JPH2: variants seen among roughly 807,000 people sequenced by gnomAD.
The protein encoded by JPH2 is junctophilin-2.
JPH2 carries 38 observed loss-of-function variants against 55.9 expected under a neutral mutation model. The observed-to-expected ratio is 0.68, with a 90% confidence interval of 0.52 to 0.89. The LOEUF (loss-of-function observed/expected upper bound fraction) is 0.89. JPH2 is among the 40% of genes least tolerant of loss of function. The pLI, the probability that JPH2 is intolerant of heterozygous loss-of-function variation, is 0.00. For missense variants in JPH2, 964 were observed against 1,037.6 expected, an observed-to-expected ratio of 0.93 and a Z score of 0.97; for synonymous variants, 480 against 472.4, an observed-to-expected ratio of 1.02 and a Z score of -0.21.
At chr20:44,152,403 C>T (rs953901736) in intron 2 of JPH2, among the ~76,000 whole-genome samples, 6 of 152,100 alleles carry the variant, frequency 3.9e-5, no homozygotes, top group East Asian at 1.9e-4. Flanking sequence ...CCACTGGGCA[C>T]GGTAGCTCAC....
intron 2 of JPH2, among the ~76,000 whole-genome samples, chr20:44,149,477 A>G (rs2072515951): frequency 6.6e-6 from 1 of 152,232 alleles, no homozygotes; most frequent in African/African-American, 2.4e-5. Context: ...GCATGTGTGT[A>G]GCCACACGTT....
rs1219041952 is a variant in JPH2, at chr20:44,159,315, G to C, written c.1169+303C>G. Among the ~76,000 whole-genome samples the C allele has an allele frequency of 6.6e-6, 1 of 152,060 alleles. No homozygotes were observed. The highest frequency in any genetic ancestry group is 1.9e-4 in the East Asian group (1 of 5,170). The stretch of plus-strand genomic sequence containing the variant: ...ACTGGATGACTGGGTGGGTAAACAG[G>C]AAGTGGAATGGGTAGGGGAATGGAG... On this transcript the variant is annotated intron_variant, in intron 2 of 5. Coordinates refer to ENST00000372980, the MANE Select transcript of JPH2 (RefSeq NM_020433.5). The surrounding 1 kb of genome is among the most constrained non-coding windows in gnomAD (Gnocchi z 5.7).
chr20:44,120,314 A>G (rs2072226426), intron 2 of JPH2, among the ~76,000 whole-genome samples: 1 of 152,178 alleles, frequency 6.6e-6, no homozygotes, highest in Non-Finnish European at 1.5e-5. Flanking sequence ...TGCACGTGAC[A>G]GGAGCAAATT....
intron 2 of JPH2, among the ~76,000 whole-genome samples, chr20:44,135,442 A>C (rs2072403869): frequency 6.6e-6 from 1 of 152,064 alleles, no homozygotes; most frequent in Non-Finnish European, 1.5e-5. Flanking sequence ...TCTTGTCTCC[A>C]TCCCCATCTT....
chr20:44,183,731 G>T (rs181141657), intron 1 of JPH2, among the ~76,000 whole-genome samples: 11 of 152,328 alleles, frequency 7.2e-5, no homozygotes, highest in African/African-American at 2.6e-4. Flanking sequence ...AAATTAGCCA[G>T]TTTTGAGTTA....
At position 44,159,914 on chromosome 20, in the gene JPH2, G is replaced by A; in HGVS notation, c.873C>T (p.Tyr291=). 1 of 1,612,130 alleles carries A rather than the reference G, an allele frequency of 6.2e-7. No homozygotes were observed. The highest frequency in any genetic ancestry group is 8.5e-7 in the Non-Finnish European group (1 of 1,179,588). ...GTTTGTCGTTCTTCCACTCGCCCAT[G>A]TAGGTCTCGGTGGTGGTGGCGTCGA... The part of the protein sequence containing the change: ...ADIDATTTET[Y]MGEWKNDKRS... The change falls in exon 2 of 6, where the codon TAC becomes TAT. Residue 291 remains tyrosine (Y), a synonymous_variant. Transcript: ENST00000372980. This position sits in a 1 kb window ranked among gnomAD's most constrained non-coding sequence, Gnocchi z 5.7.
chr20:44,165,129 G>A (rs1234655679), intron 1 of JPH2, among the ~76,000 whole-genome samples: 3 of 152,068 alleles, frequency 2.0e-5, no homozygotes, highest in Non-Finnish European at 4.4e-5. Flanking sequence ...GAGCTACTGC[G>A]CCCAGCCAAA....
chr20:44,141,209 G>A (rs750679900), intron 2 of JPH2, among the ~76,000 whole-genome samples: 14 of 152,214 alleles, frequency 9.2e-5, no homozygotes, highest in Admixed American at 2.6e-4. Context: ...GTTCAGGGAA[G>A]CAACGCATCC....
intron 2 of JPH2, among the ~76,000 whole-genome samples, chr20:44,137,355 C>T (rs558620607): frequency 6.6e-6 from 1 of 152,098 alleles, no homozygotes; most frequent in Non-Finnish European, 1.5e-5. Context: ...TTCTGTGAGC[C>T]GGAGGAATGT....
At chr20:44,143,949 TGCTTGACTCCCCAAAGAACCAGAG>T (rs1335522210) in intron 2 of JPH2, among the ~76,000 whole-genome samples, 2 of 150,926 alleles carry the variant, frequency 1.3e-5, no homozygotes, top group Admixed American at 1.3e-4. Context: ...AAAGAGGGGG[TGCTTGACTCCCCAAAGAACCAGAG>T]GCTCGAGAGG....
chr20:44,137,507 A>G (rs1312737408), intron 2 of JPH2, among the ~76,000 whole-genome samples: 3 of 152,190 alleles, frequency 2.0e-5, no homozygotes, highest in Admixed American at 1.3e-4. Flanking sequence ...AGGCTGCTCT[A>G]AAAACTGATA....
intron 1 of JPH2, among the ~76,000 whole-genome samples, chr20:44,184,812 C>G (rs2072818663): frequency 6.6e-6 from 1 of 152,216 alleles, no homozygotes; most frequent in African/African-American, 2.4e-5. Flanking sequence ...CGAGACCAAG[C>G]TCAGGCGTCA....
chr20:44,149,539 G>T (rs1433207794), intron 2 of JPH2, among the ~76,000 whole-genome samples: 1 of 152,190 alleles, frequency 6.6e-6, no homozygotes, highest in Non-Finnish European at 1.5e-5. Flanking sequence ...TGACAGGTGT[G>T]CTAGGCCTCC....
intron 5 of JPH2, among the ~76,000 whole-genome samples, chr20:44,113,777 T>C (rs950671730): frequency 6.6e-6 from 1 of 151,960 alleles, no homozygotes; most frequent in Non-Finnish European, 1.5e-5. Context: ...TCCCCCACTG[T>C]CATCTGGTTC....
intron 2 of JPH2, among the ~76,000 whole-genome samples, chr20:44,126,564 G>A (rs1432889389): frequency 6.6e-6 from 1 of 152,138 alleles, no homozygotes; most frequent in Non-Finnish European, 1.5e-5. Flanking sequence ...TAATCTAGAG[G>A]AAGGACCACA....
intron 2 of JPH2, among the ~76,000 whole-genome samples, chr20:44,129,601 G>A (rs761210): frequency 0.29 from 43,585 of 149,072 alleles, 6,546 homozygotes; most frequent in East Asian, 0.46. Context: ...TGCTTCCTGA[G>A]AGCTAACTAT....
rs2072183941 is a variant in JPH2 at position 44,115,733 on chromosome 20, C to A, written c.1942G>T (p.Ala648Ser). Residue 648 changes from alanine to serine, a missense_variant, in exon 4 of 6, where the codon GCG (alanine) becomes TCG (serine). Coordinates refer to ENST00000372980, the MANE Select transcript of JPH2 (RefSeq NM_020433.5). ...RKTEARGLTK[A>S]GAKKKARKEA... ...TTCCGCGCCTTCTTCTTGGCCCCCGCCTTGGTCAGCCCTCGAGCCTCAGTC... is the reference window on the plus strand; with the variant it reads ...TTCCGCGCCTTCTTCTTGGCCCCCGACTTGGTCAGCCCTCGAGCCTCAGTC... 1.9e-6 allele frequency: 3 copies of A among 1,613,596 alleles called. No homozygotes were observed. The highest frequency in any genetic ancestry group is 1.7e-4 in the Middle Eastern group (1 of 5,884).
chr20:44,169,876 C>A, intron 1 of JPH2, among the ~76,000 whole-genome samples: 1 of 152,134 alleles, frequency 6.6e-6, no homozygotes, highest in Non-Finnish European at 1.5e-5. Flanking sequence ...TGAGCTAGCA[C>A]ACTCGGCCCT....
rs2072606046 is a variant in JPH2, at chr20:44,160,969, G to A, written c.380-562C>T. Among the ~76,000 whole-genome samples the A allele has an allele frequency of 6.6e-6, 1 of 152,136 alleles. No homozygotes were observed. The highest frequency in any genetic ancestry group is 2.4e-5 in the African/African-American group (1 of 41,420). On this transcript the variant is annotated intron_variant, in intron 1 of 5. Transcript: ENST00000372980. This position sits in a 1 kb window ranked among gnomAD's most constrained non-coding sequence, Gnocchi z 4.9. ...CATGCACCTGTGGTCCCAGCTACTA[G>A]AGAGGCTGAGGTGGGAGGATCACCT...
Sources: gnomAD v4.1 joint callset for allele counts (sites outside exome capture counted in the v4.1 genomes callset) on GRCh38, gnomAD v4.1.1 for gene constraint, Gnocchi (gnomAD v3.1) non-coding constraint, MANE v1.5 for transcripts, NCBI Gene and HGNC (gene_info 2026-07-23, HGNC 2026-07-21) for gene names.